The following HSPA12A variants were observed in gnomAD, a reference collection of about 807,000 sequenced individuals.
HSPA12A encodes heat shock protein family A (Hsp70) member 12A.
Under a neutral mutation model 69.2 loss-of-function variants are expected in HSPA12A, and 28 were observed. The observed-to-expected ratio is 0.40, with a 90% CI of 0.30 to 0.55. HSPA12A has a LOEUF of 0.55. HSPA12A is among the 20% of genes least tolerant of loss of function. HSPA12A has a pLI of 0.38. For missense variants in HSPA12A, 686 were observed against 900.7 expected, an observed-to-expected ratio of 0.76 and a Z score of 3.05; for synonymous variants, 345 against 370.5, an observed-to-expected ratio of 0.93 and a Z score of 0.79.
At chr10:116,823,459 G>A (rs753379218) in intron 2 of HSPA12A, among the ~76,000 whole-genome samples, 3 of 152,124 alleles carry the variant, frequency 2.0e-5, no homozygotes, top group Non-Finnish European at 4.4e-5. Flanking sequence ...TGAAAAAGAA[G>A]AACAAAGTTG....
At chr10:116,800,945 G>A (rs558551671) in intron 2 of HSPA12A, among the ~76,000 whole-genome samples, 7 of 152,296 alleles carry the variant, frequency 4.6e-5, no homozygotes, top group Non-Finnish European at 5.9e-5. Context: ...GAAGGGCTTC[G>A]AAAATCACAT....
chr10:116,698,611 G>T (rs782607565), intron 5 of HSPA12A, 24 bp downstream of exon 5: 2 of 1,576,542 alleles, frequency 1.3e-6, no homozygotes, highest in Admixed American at 1.7e-5. Flanking sequence ...CACACAGCTG[G>T]CTGGCCTCAA....
intron 1 of HSPA12A, among the ~76,000 whole-genome samples, chr10:116,839,614 A>AC (rs1339107787): frequency 6.6e-6 from 1 of 151,608 alleles, no homozygotes; most frequent in Non-Finnish European, 1.5e-5. Context: ...TAAAAAAAAA[A>AC]AAAAAAAAAA....
chr10:116,752,210 A>G (rs1230909095), intron 2 of HSPA12A, among the ~76,000 whole-genome samples: 1 of 152,160 alleles, frequency 6.6e-6, no homozygotes, highest in Non-Finnish European at 1.5e-5. Flanking sequence ...AGTCACCCAG[A>G]GCCGGTCTGC....
At chr10:116,695,066 G>A (rs1267688964) in intron 5 of HSPA12A, among the ~76,000 whole-genome samples, 2 of 151,872 alleles carry the variant, frequency 1.3e-5, no homozygotes, top group African/African-American at 4.8e-5. Context: ...CCCAGCCCAC[G>A]GGCCCTCTTT....
chr10:116,834,856 C>T, intron 2 of HSPA12A: 1 of 736,708 alleles, frequency 1.4e-6, no homozygotes, highest in Non-Finnish European at 1.8e-6. Context: ...ATACCTAGTC[C>T]CTCTCGACAG....
chr10:116,737,688 T>C (rs1045469799), intron 1 of HSPA12A, among the ~76,000 whole-genome samples: 1 of 152,118 alleles, frequency 6.6e-6, no homozygotes, highest in African/African-American at 2.4e-5. Context: ...ACTCTGCAGC[T>C]CAGGATTGCC....
At chr10:116,733,803 A>T (rs893464888) in intron 1 of HSPA12A, among the ~76,000 whole-genome samples, 3 of 152,160 alleles carry the variant, frequency 2.0e-5, no homozygotes, top group African/African-American at 7.2e-5. Flanking sequence ...CACTTATCCC[A>T]CATCAAATAT....
At chr10:116,823,644 T>C (rs1372574929) in intron 2 of HSPA12A, among the ~76,000 whole-genome samples, 2 of 152,066 alleles carry the variant, frequency 1.3e-5, no homozygotes. Context: ...GACAATTTAG[T>C]GGGGAAATAA....
intron 2 of HSPA12A, among the ~76,000 whole-genome samples, chr10:116,804,298 A>G (rs1845022770): frequency 1.3e-5 from 2 of 152,130 alleles, no homozygotes; most frequent in Non-Finnish European, 2.9e-5. Context: ...TAACCAGGGG[A>G]ACCCATGGTT....
At position 116,807,569 on chromosome 10, in the gene HSPA12A, G is replaced by T. The variant is rs1371742626; in HGVS notation, c.91+27366C>A. Among the ~76,000 whole-genome samples, 3 of 152,176 alleles carry T rather than the reference G, an allele frequency of 2.0e-5. No homozygotes were observed. The East Asian group carries it at 5.8e-4, about 29-fold the overall frequency. On this transcript the variant is annotated intron_variant, in intron 2 of 12. Transcript: ENST00000635765. ...CTATCTTATGGCACATTTGATCTAT[G>T]TGAAGGCAAGTCTACTCCTTCAGGC...
intron 9 of HSPA12A, among the ~76,000 whole-genome samples, chr10:116,680,546 C>T (rs986457711): frequency 1.3e-5 from 2 of 152,136 alleles, no homozygotes; most frequent in African/African-American, 2.4e-5. Context: ...AGTGCAGTGG[C>T]GCAATGTCTG....
rs562383405 is a variant in HSPA12A at position 116,690,962 on chromosome 10, T to A, written c.663+1389A>T. ...GCCAGGTGGCGTCTCTGCAGACAGC[T>A]GTGTCCCGATGCCCCATTTCTGGGC... On this transcript the variant is annotated intron_variant, in intron 6 of 11. Transcript: ENST00000369209. 1.1e-4 allele frequency among the ~76,000 whole-genome samples: 17 copies of A among 152,354 alleles called. 1 individual carries two copies. The highest frequency in any genetic ancestry group is 4.1e-4 in the African/African-American group (17 of 41,596).
intron 2 of HSPA12A, among the ~76,000 whole-genome samples, chr10:116,791,936 G>C (rs1013089332): frequency 7.2e-5 from 11 of 152,004 alleles, no homozygotes; most frequent in Non-Finnish European, 1.2e-4. Flanking sequence ...GCAAAAAGAT[G>C]CCAATTCATC....
intron 2 of HSPA12A, among the ~76,000 whole-genome samples, chr10:116,765,350 T>C (rs992172544): frequency 1.9e-4 from 29 of 151,422 alleles, no homozygotes; most frequent in Non-Finnish European, 2.7e-4. Context: ...ATAAGTAAAA[T>C]AAAACCTGAA....
chr10:116,736,340 G>A (rs782036436), intron 1 of HSPA12A, among the ~76,000 whole-genome samples: 1 of 152,088 alleles, frequency 6.6e-6, no homozygotes, highest in Non-Finnish European at 1.5e-5. Flanking sequence ...CACGGAGGAG[G>A]AGTCATTTCC....
chr10:116,696,039 G>C (rs1165806825), intron 5 of HSPA12A, among the ~76,000 whole-genome samples: 2 of 125,088 alleles, frequency 1.6e-5, no homozygotes, highest in Non-Finnish European at 3.4e-5. Context: ...GCAGGTTTCA[G>C]GAGTGCGTGG....
chr10:116,691,065 T>A (rs1421157787), intron 6 of HSPA12A, among the ~76,000 whole-genome samples: 3 of 152,214 alleles, frequency 2.0e-5, no homozygotes, highest in African/African-American at 4.8e-5. Flanking sequence ...CTGCATTTTG[T>A]AATTCTCTTT....
intron 2 of HSPA12A, among the ~76,000 whole-genome samples, chr10:116,706,314 C>T (rs1554882417): frequency 6.6e-6 from 1 of 151,972 alleles, no homozygotes; most frequent in East Asian, 1.9e-4. Flanking sequence ...CCTCTCCTCA[C>T]ACCGCTCCCC....
Sources: allele counts gnomAD v4.1 joint callset (sites outside exome capture counted in the v4.1 genomes callset), GRCh38; gene constraint gnomAD v4.1.1; transcripts MANE v1.5; gene names NCBI Gene and HGNC (gene_info 2026-07-23, HGNC 2026-07-21).